The following CADM2 variants were observed in gnomAD, a reference collection of about 807,000 sequenced individuals.
CADM2 encodes the protein immunoglobulin superfamily member 4D.
In CADM2, 12 loss-of-function variants were observed where a neutral mutation model predicts 49.8. The ratio of observed to expected loss-of-function variants is 0.24; its 90% CI spans 0.15 to 0.39. The LOEUF is 0.39. Among genes scored for constraint, CADM2 ranks in the 10% least tolerant of loss-of-function variants. CADM2 has a pLI of 1.00. For synonymous variants in CADM2, 214 were observed against 175.4 expected, an observed-to-expected ratio of 1.22 and a Z score of -1.74; for missense variants, 378 against 492.3, an observed-to-expected ratio of 0.77 and a Z score of 2.20.
chr3:85,572,075 T>C (rs990081978), intron 1 of CADM2, among the ~76,000 whole-genome samples: 2 of 152,080 alleles, frequency 1.3e-5, no homozygotes, highest in Non-Finnish European at 2.9e-5. Flanking sequence ...GGCCGGTGGA[T>C]CACATGAGGT....
chr3:85,050,732 T>A (rs573088643), intron 1 of CADM2, among the ~76,000 whole-genome samples: 5 of 152,286 alleles, frequency 3.3e-5, no homozygotes, highest in Admixed American at 3.3e-4. Flanking sequence ...CTGCACCTAA[T>A]TCTATATTCT....
intron 1 of CADM2, among the ~76,000 whole-genome samples, chr3:85,621,342 A>G (rs1007310780): frequency 2.6e-5 from 4 of 152,174 alleles, no homozygotes; most frequent in African/African-American, 7.2e-5. Context: ...ATAAAAGACA[A>G]TAATATCTGT....
At chr3:85,591,344 C>A (rs1312117238) in intron 1 of CADM2, among the ~76,000 whole-genome samples, 1 of 151,872 alleles carries the variant, frequency 6.6e-6, no homozygotes, top group Non-Finnish European at 1.5e-5. Flanking sequence ...ATTTAAAATG[C>A]AAATATTATA....
chr3:85,348,526 C>T (rs2031002350), intron 1 of CADM2, among the ~76,000 whole-genome samples: 1 of 152,138 alleles, frequency 6.6e-6, no homozygotes, highest in Non-Finnish European at 1.5e-5. Context: ...AGTACAGTTC[C>T]TTTCCAAAAA....
chr3:85,803,500 A>AATAGATAG (rs3044105), intron 3 of CADM2, among the ~76,000 whole-genome samples: 36,446 of 149,374 alleles, frequency 0.24, 4,459 homozygotes, highest in East Asian at 0.33. Flanking sequence ...TAGATAGATA[A>AATAGATAG]ATAGATAGAT....
At chr3:85,984,931 A>C (rs1727911250) in intron 8 of CADM2, among the ~76,000 whole-genome samples, 1 of 151,972 alleles carries the variant, frequency 6.6e-6, no homozygotes, top group Non-Finnish European at 1.5e-5. Context: ...CTTAGTTCAA[A>C]ATGGTACGGC....
chr3:85,726,434 G>A, intron 1 of CADM2, 88 bp from the exon 2 acceptor site: 3 of 1,373,564 alleles, frequency 2.2e-6, no homozygotes, highest in Non-Finnish European at 3.1e-6. Context: ...GACTTTAATA[G>A]CAATAACATC....
chr3:85,210,409 G>A (rs1040577885), intron 1 of CADM2, among the ~76,000 whole-genome samples: 11 of 151,936 alleles, frequency 7.2e-5, no homozygotes, highest in African/African-American at 1.7e-4. Context: ...ATTAATGTTC[G>A]TCAGGGATAC....
chr3:85,892,599 G>A (rs1714612070), intron 5 of CADM2, among the ~76,000 whole-genome samples: 1 of 152,156 alleles, frequency 6.6e-6, no homozygotes, highest in Non-Finnish European at 1.5e-5. Context: ...TGTAAGATGT[G>A]CCTTTGCTCC....
intron 1 of CADM2, among the ~76,000 whole-genome samples, chr3:85,177,966 T>G (rs1209870128): frequency 6.6e-6 from 1 of 151,978 alleles, no homozygotes; most frequent in Non-Finnish European, 1.5e-5. Flanking sequence ...TACAAAGTTT[T>G]GTACATTAAG....
chr3:85,066,626 G>C (rs1371101334), intron 1 of CADM2, among the ~76,000 whole-genome samples: 4 of 152,010 alleles, frequency 2.6e-5, no homozygotes, highest in Admixed American at 6.6e-5. Flanking sequence ...TGACTGGGCT[G>C]TCATCCCATC....
intron 7 of CADM2, among the ~76,000 whole-genome samples, chr3:85,953,291 C>G (rs925047685): frequency 2.0e-5 from 3 of 151,058 alleles, no homozygotes; most frequent in African/African-American, 7.3e-5. Flanking sequence ...TTACTCCCAA[C>G]TCAATTATCA....
intron 1 of CADM2, among the ~76,000 whole-genome samples, chr3:85,254,730 C>T (rs906604984): frequency 3.9e-5 from 6 of 152,068 alleles, no homozygotes; most frequent in African/African-American, 1.4e-4. Flanking sequence ...GCCATTCTTA[C>T]TCATGAAAAG....
At chr3:86,018,836 A>T (rs1732703465) in intron 8 of CADM2, among the ~76,000 whole-genome samples, 1 of 150,340 alleles carries the variant, frequency 6.7e-6, no homozygotes, top group South Asian at 2.1e-4. Context: ...TTGCCTGTTC[A>T]CTCTGATGGT....
At chr3:85,123,655 T>G (rs2038935863) in intron 1 of CADM2, among the ~76,000 whole-genome samples, 1 of 152,078 alleles carries the variant, frequency 6.6e-6, no homozygotes, top group African/African-American at 2.4e-5. Flanking sequence ...TTTATTGATA[T>G]CAGGAGGCAA....
intron 1 of CADM2, among the ~76,000 whole-genome samples, chr3:85,102,146 C>A (rs2038038372): frequency 6.6e-6 from 1 of 152,186 alleles, no homozygotes; most frequent in African/African-American, 2.4e-5. Context: ...TGGCTCAGAG[C>A]TCCAACCCCT....
chr3:85,518,530 T>A (rs541082705), intron 1 of CADM2, among the ~76,000 whole-genome samples: 61 of 151,966 alleles, frequency 4.0e-4, no homozygotes, highest in African/African-American at 1.4e-3. Context: ...TGAGCAAAAA[T>A]GTTTTCTTTC....
intron 8 of CADM2, among the ~76,000 whole-genome samples, chr3:86,040,475 G>A (rs1735734599): frequency 6.6e-6 from 1 of 152,160 alleles, no homozygotes; most frequent in Non-Finnish European, 1.5e-5. Flanking sequence ...CTGGAAGAAA[G>A]GGTATCAGTG....
At chr3:85,461,073 C>A (rs946261923) in intron 1 of CADM2, among the ~76,000 whole-genome samples, 1 of 152,138 alleles carries the variant, frequency 6.6e-6, no homozygotes, top group Non-Finnish European at 1.5e-5. Flanking sequence ...CCATTCACAG[C>A]AAAATTCAGT....
Sources: gnomAD v4.1 joint callset for allele counts (sites outside exome capture counted in the v4.1 genomes callset) on GRCh38, gnomAD v4.1.1 for gene constraint, MANE v1.5 for transcripts, NCBI Gene and HGNC (gene_info 2026-07-23, HGNC 2026-07-21) for gene names.